Variants in RBFOX1 observed in about 807,000 individuals in gnomAD.
RBFOX1 encodes the protein RNA binding fox-1 homolog 1, also known as RNA binding protein fox-1 homolog 1.
In RBFOX1, 8 loss-of-function variants were observed where a neutral mutation model predicts 57.7. That is an observed-to-expected ratio of 0.14 (90% CI 0.08 to 0.25). The LOEUF (loss-of-function observed/expected upper bound fraction) is 0.25. Ranked by LOEUF, RBFOX1 falls within the 10% of genes least tolerant of loss-of-function variation. RBFOX1 has a pLI of 1.00. For synonymous variants in RBFOX1, 326 were observed against 222.4 expected (o/e 1.47, Z -4.15); for missense variants, 611 against 548.5 (o/e 1.11, Z -1.14).
intron 2 of RBFOX1, among the ~76,000 whole-genome samples, chr16:6,640,073 G>C (rs769034873): frequency 3.0e-4 from 45 of 152,126 alleles, no homozygotes; most frequent in Non-Finnish European, 5.0e-4. Flanking sequence ...GCTGCGAAAA[G>C]CCATATAAAT....
At chr16:7,149,100 C>T (rs529577773) in intron 4 of RBFOX1, among the ~76,000 whole-genome samples, 1 of 152,254 alleles carries the variant, frequency 6.6e-6, no homozygotes, top group South Asian at 2.1e-4. Flanking sequence ...GGGAGACAGT[C>T]TTTGAAAACC....
intron 4 of RBFOX1, among the ~76,000 whole-genome samples, chr16:5,977,679 C>G (rs1470383874): frequency 1.3e-5 from 2 of 152,190 alleles, no homozygotes; most frequent in South Asian, 2.1e-4. Flanking sequence ...GGAAAACAGG[C>G]TCAGTTGTCT....
At chr16:6,548,790 C>G (rs1037037087) in intron 2 of RBFOX1, among the ~76,000 whole-genome samples, 1 of 152,000 alleles carries the variant, frequency 6.6e-6, no homozygotes, top group African/African-American at 2.4e-5. Context: ...AAGTTAGCAT[C>G]CTTGGCTGGG....
chr16:5,312,508 G>T (rs947868487), intron 1 of RBFOX1, among the ~76,000 whole-genome samples: 3 of 152,072 alleles, frequency 2.0e-5, no homozygotes, highest in African/African-American at 7.2e-5. Context: ...GTAGAGACGG[G>T]GTTTCACCAT....
intron 4 of RBFOX1, among the ~76,000 whole-genome samples, chr16:7,517,172 TG>T (rs2076547932): frequency 6.6e-6 from 1 of 150,874 alleles, no homozygotes; most frequent in African/African-American, 2.4e-5. Context: ...TGTGTGTGTG[TG>T]TGTGTGTGTG....
intron 14 of RBFOX1, among the ~76,000 whole-genome samples, chr16:7,692,886 C>A (rs76632611): frequency 2.5e-4 from 29 of 117,308 alleles, no homozygotes; most frequent in Non-Finnish European, 3.5e-4. Flanking sequence ...AGCACTTTTT[C>A]TTATTTTTTT....
At chr16:6,036,308 G>A (rs1318314637) in intron 1 of RBFOX1, among the ~76,000 whole-genome samples, 1 of 152,168 alleles carries the variant, frequency 6.6e-6, no homozygotes, top group East Asian at 1.9e-4. Flanking sequence ...TGGAGGCCAG[G>A]CTGCTCTGGG....
chr16:6,746,432 T>A (rs939997064), intron 3 of RBFOX1, among the ~76,000 whole-genome samples: 1 of 152,146 alleles, frequency 6.6e-6, no homozygotes, highest in African/African-American at 2.4e-5. Flanking sequence ...ATCTCAGCAC[T>A]ATGGGAAGAC....
At chr16:6,390,162 C>T (rs2092522848) in intron 2 of RBFOX1, among the ~76,000 whole-genome samples, 1 of 152,216 alleles carries the variant, frequency 6.6e-6, no homozygotes, top group African/African-American at 2.4e-5. Flanking sequence ...ATCCTTGGCA[C>T]TGTATGCGTG....
At chr16:7,208,063 C>G (rs1603170918) in intron 4 of RBFOX1, among the ~76,000 whole-genome samples, 1 of 152,308 alleles carries the variant, frequency 6.6e-6, no homozygotes, top group East Asian at 1.9e-4. Flanking sequence ...TAGGCAACAT[C>G]AATCCTGCAA....
intron 3 of RBFOX1, among the ~76,000 whole-genome samples, chr16:5,605,316 C>T (rs1294263524): frequency 6.6e-6 from 1 of 152,212 alleles, no homozygotes; most frequent in African/African-American, 2.4e-5. Context: ...TCCCTGATCC[C>T]AGGTTATGAT....
At chr16:5,334,059 G>C (rs541320102) in intron 1 of RBFOX1, among the ~76,000 whole-genome samples, 1 of 150,776 alleles carries the variant, frequency 6.6e-6, no homozygotes, top group Non-Finnish European at 1.5e-5. Context: ...GCCGATTTCT[G>C]TCAGGAGTAC....
At chr16:5,382,058 G>C (rs965742538) in intron 1 of RBFOX1, among the ~76,000 whole-genome samples, 2 of 152,168 alleles carry the variant, frequency 1.3e-5, no homozygotes, top group African/African-American at 4.8e-5. Flanking sequence ...AGATGCCCCT[G>C]GGAGAACAAA....
At chr16:6,795,948 T>C (rs142064020) in intron 3 of RBFOX1, among the ~76,000 whole-genome samples, 235 of 152,242 alleles carry the variant, frequency 1.5e-3, no homozygotes, top group African/African-American at 5.3e-3. Flanking sequence ...TTGAGAAACA[T>C]TGGGATAAGG....
intron 2 of RBFOX1, among the ~76,000 whole-genome samples, chr16:5,518,164 A>G (rs919920152): frequency 6.6e-6 from 1 of 152,226 alleles, no homozygotes; most frequent in African/African-American, 2.4e-5. Flanking sequence ...TAAAAAACCA[A>G]TAAAATCCAA....
At chr16:6,053,485 C>T (rs1330027595) in intron 1 of RBFOX1, among the ~76,000 whole-genome samples, 1 of 151,988 alleles carries the variant, frequency 6.6e-6, no homozygotes, top group African/African-American at 2.4e-5. Context: ...TGAATGTAAA[C>T]AAAGAAAATC....
rs114976017 is a variant in RBFOX1 at position 5,915,212 on chromosome 16, G to C, written c.351+47877G>C. Among the ~76,000 whole-genome samples the C allele has an allele frequency of 4.9e-3, 743 of 152,290 alleles. 10 individuals carry two copies. The highest frequency in any genetic ancestry group is 0.017 in the African/African-American group (717 of 41,570). On this transcript the variant is annotated intron_variant, in intron 4 of 19. Transcript: ENST00000641259. Reference sequence around the variant, plus strand: ...CATCTTGTTACATCCTCTGATGAGTGAACAGATCCTAAGAGGTCAAGATCA... The same window carrying C: ...CATCTTGTTACATCCTCTGATGAGTCAACAGATCCTAAGAGGTCAAGATCA...
intron 3 of RBFOX1, among the ~76,000 whole-genome samples, chr16:7,002,255 G>A (rs12934397): frequency 0.038 from 5,821 of 152,270 alleles, 139 homozygotes; most frequent in Admixed American, 0.066. Flanking sequence ...GGTGCATGAA[G>A]TTAATCTATC....
At chr16:7,188,645 C>T (rs1193481494) in intron 4 of RBFOX1, among the ~76,000 whole-genome samples, 1 of 152,144 alleles carries the variant, frequency 6.6e-6, no homozygotes, top group African/African-American at 2.4e-5. Context: ...TTATACCAGT[C>T]CAGTATCATT....
Sources: allele counts gnomAD v4.1 joint callset (sites outside exome capture counted in the v4.1 genomes callset), GRCh38; gene constraint gnomAD v4.1.1; transcripts MANE v1.5; gene names NCBI Gene and HGNC (gene_info 2026-07-23, HGNC 2026-07-21).